The following PSMD12 variants were observed in gnomAD, a reference collection of about 807,000 sequenced individuals.
The protein encoded by PSMD12 is 26S proteasome non-ATPase regulatory subunit 12.
PSMD12 carries 8 observed loss-of-function variants against 62.9 expected under a neutral mutation model. The ratio of observed to expected loss-of-function variants is 0.13; its 90% CI spans 0.07 to 0.23. The LOEUF (loss-of-function observed/expected upper bound fraction) is 0.23. Ranked by LOEUF, PSMD12 falls within the 10% of genes least tolerant of loss-of-function variation. PSMD12 has a pLI of 1.00. For missense variants in PSMD12, 424 were observed against 550.2 expected (o/e 0.77, Z 2.29); for synonymous variants, 173 against 187.4 (o/e 0.92, Z 0.63).
intron 1 of PSMD12, among the ~76,000 whole-genome samples, chr17:67,364,173 CA>C (rs1371847237): frequency 1.3e-5 from 2 of 151,492 alleles, no homozygotes; most frequent in African/African-American, 4.8e-5. Flanking sequence ...AAAAAACAAA[CA>C]AAAAAAGTAT....
chr17:67,362,540 T>C (rs2042140995), intron 1 of PSMD12, among the ~76,000 whole-genome samples: 1 of 148,338 alleles, frequency 6.7e-6, no homozygotes, highest in South Asian at 2.1e-4. Context: ...TGCACGCCTG[T>C]AGTCCCAGCT....
chr17:67,344,421 T>C (rs927826890), intron 9 of PSMD12, among the ~76,000 whole-genome samples, 185 bp downstream of exon 9: 3 of 152,170 alleles, frequency 2.0e-5, no homozygotes, highest in Admixed American at 6.5e-5. Context: ...GCATCACTAC[T>C]ACAGTGGGCA....
At chr17:67,344,467 A>G (rs1235370668) in intron 9 of PSMD12, 139 bp downstream of exon 9, 3 of 817,218 alleles carry the variant, frequency 3.7e-6, no homozygotes, top group Admixed American at 6.0e-5. Flanking sequence ...AATTAAACAC[A>G]TAACATCCTA....
chr17:67,356,286 T>C (rs932927990), intron 3 of PSMD12, among the ~76,000 whole-genome samples: 2 of 152,152 alleles, frequency 1.3e-5, no homozygotes. Flanking sequence ...AAAAAAATCA[T>C]ATATTGGGAT....
intron 7 of PSMD12, among the ~76,000 whole-genome samples, chr17:67,346,352 G>A (rs572050430): frequency 7.7e-4 from 116 of 150,798 alleles, no homozygotes; most frequent in African/African-American, 2.5e-3. Context: ...CCGAGATTGC[G>A]CCACTGCACT....
At position 67,366,431 on chromosome 17, in the gene PSMD12, T is replaced by C. The variant is rs765063669; in HGVS notation, c.89A>G (p.Glu30Gly). The C allele has an allele frequency of 1.2e-6, 2 of 1,612,116 alleles. No individual in the cohort carries two copies. The highest frequency in any genetic ancestry group is 4.5e-5 in the East Asian group (2 of 44,830). Residue 30 changes from glutamate (E) to glycine (G), a missense_variant, in exon 1 of 11, where the codon GAG (glutamate) becomes GGG (glycine). Glu to Gly is a moderately conservative substitution (Grantham distance 98, BLOSUM62 -2). Coordinates refer to ENST00000356126, the MANE Select transcript of PSMD12 (RefSeq NM_002816.5). ...YSATVDQRLP[E>G]CAKLAKEGRL... ...CCTCACCTTGGCTAGCTTCGCACAC[T>C]CGGGTAGGCGCTGATCCACCGTGGC...
chr17:67,343,575 G>A (rs1332393581), intron 9 of PSMD12, among the ~76,000 whole-genome samples: 1 of 152,100 alleles, frequency 6.6e-6, no homozygotes, highest in Non-Finnish European at 1.5e-5. Flanking sequence ...TCTCCATGTA[G>A]AACTACCAAA....
chr17:67,350,711 G>A (rs774785135), intron 3 of PSMD12, among the ~76,000 whole-genome samples: 47 of 152,134 alleles, frequency 3.1e-4, no homozygotes, highest in Non-Finnish European at 5.7e-4. Context: ...TCTACCACCC[G>A]GGTGGGAGGA....
At chr17:67,353,813 G>A (rs1176047960) in intron 3 of PSMD12, among the ~76,000 whole-genome samples, 1 of 152,132 alleles carries the variant, frequency 6.6e-6, no homozygotes, top group Non-Finnish European at 1.5e-5. Context: ...CTAGCCAGCG[G>A]TGAGAGAGAC....
In PSMD12 at chr17:67,339,861, C is replaced by A. The variant is rs1598549299; in HGVS notation, c.*982G>T. On this transcript the variant is annotated 3_prime_UTR_variant, in exon 11 of 11. Transcript: ENST00000356126. The stretch of plus-strand genomic sequence containing the variant: ...TCCGTGAAAATATTTTAATACTACA[C>A]CACTTACTATGAGGGTGGCCTGACG... 1.3e-5 allele frequency: 2 copies of A among 151,914 alleles called. No homozygotes were observed. The highest frequency in any genetic ancestry group is 1.3e-4 in the Admixed American group (2 of 15,238). The allele number at this position is 151,914 out of a possible 1,614,324, so 9.4% of individuals were successfully genotyped here.
At chr17:67,352,110 A>T (rs572517762) in intron 3 of PSMD12, among the ~76,000 whole-genome samples, 1 of 151,934 alleles carries the variant, frequency 6.6e-6, no homozygotes, top group African/African-American at 2.4e-5. Flanking sequence ...TTTTTTTTAA[A>T]GAGATGGGGC....
chr17:67,356,965 A>G (rs990432716), intron 3 of PSMD12, among the ~76,000 whole-genome samples: 7 of 151,814 alleles, frequency 4.6e-5, no homozygotes, highest in Non-Finnish European at 7.4e-5. Flanking sequence ...AGTTGTAATC[A>G]TACCACTGCA....
chr17:67,366,414 T>G lies in PSMD12; in HGVS notation c.106A>C (p.Lys36Gln). 6.2e-7 allele frequency: 1 copy of G among 1,610,230 alleles called. No homozygotes were observed. Among genetic ancestry groups the G allele is most frequent in the South Asian group, 1.1e-5 (1 of 90,968 alleles). The change falls in exon 1 of 11, where the codon AAG becomes CAG. Residue 36 changes from lysine (K) to glutamine (Q), a missense_variant and splice_region_variant. Transcript: ENST00000356126. ...ACAGCCAGCCGGCCTCTCCTCACCT[T>G]GGCTAGCTTCGCACACTCGGGTAGG... ...QRLPECAKLA[K>Q]EGRLQEVIET...
At chr17:67,341,543 G>A (rs1349091540) in intron 10 of PSMD12, among the ~76,000 whole-genome samples, 1 of 147,424 alleles carries the variant, frequency 6.8e-6, no homozygotes, top group Non-Finnish European at 1.5e-5. Context: ...TTTACTGATA[G>A]TCTAGGGAAT....
chr17:67,351,810 A>AT (rs1202873412), intron 3 of PSMD12, among the ~76,000 whole-genome samples: 11 of 148,556 alleles, frequency 7.4e-5, no homozygotes, highest in Non-Finnish European at 1.6e-4. Flanking sequence ...AATTAAAAAC[A>AT]TTTTTTTGGC....
At chr17:67,341,180 A>T in intron 10 of PSMD12, 128 bp from the exon 11 acceptor site, 1 of 720,596 alleles carries the variant, frequency 1.4e-6, no homozygotes, top group Non-Finnish European at 2.2e-6. Context: ...AAGAGTTAGT[A>T]ACACTCAGCT....
intron 1 of PSMD12, chr17:67,361,012 C>CAGG (rs2042123490): frequency 1.3e-5 from 2 of 152,180 alleles, no homozygotes; most frequent in Admixed American, 1.3e-4. Flanking sequence ...CCTGTCTATT[C>CAGG]ACTCAGGTCC....
chr17:67,357,559 A>G lies in PSMD12; in HGVS notation c.128T>C (p.Val43Ala). The G allele has an allele frequency of 6.2e-7, 1 of 1,613,644 alleles. No individual in the cohort carries two copies. Among genetic ancestry groups the G allele is most frequent in the East Asian group, 2.2e-5 (1 of 44,862 alleles). The change falls in exon 2 of 11, where the codon GTC becomes GCC. Residue 43 changes from valine (V) to alanine (A), a missense_variant. Physicochemically the swap from Val to Ala is moderately conservative, Grantham distance 64. Transcript: ENST00000356126. ...KLAKEGRLQE[V>A]IETLLSLEKQ... ...TTCCAGAGAGAGAAGGGTTTCAATG[A>G]CTTCTTGAAGTCTTCCTTCCTAAAA...
intron 1 of PSMD12, chr17:67,362,809 T>C (rs1181978168): frequency 6.6e-6 from 1 of 152,160 alleles, no homozygotes; most frequent in Non-Finnish European, 1.5e-5. Context: ...GACTCTCAAT[T>C]TTCTCTTCAG....
Sources: allele counts gnomAD v4.1 joint callset (sites outside exome capture counted in the v4.1 genomes callset), GRCh38; gene constraint gnomAD v4.1.1; transcripts MANE v1.5; gene names NCBI Gene and HGNC (gene_info 2026-07-23, HGNC 2026-07-21).